ZFAT: variants seen among roughly 807,000 people sequenced by gnomAD.
ZFAT encodes the protein zinc finger protein ZFAT.
Under a neutral mutation model 117.7 loss-of-function variants are expected in ZFAT, and 64 were observed. The ratio of observed to expected loss-of-function variants is 0.54; its 90% CI spans 0.44 to 0.67. The LOEUF (loss-of-function observed/expected upper bound fraction) is 0.67. ZFAT is among the 30% of genes least tolerant of loss of function. The pLI is 0.00. For synonymous variants in ZFAT, 679 were observed against 615.0 expected (o/e 1.10, Z -1.54); for missense variants, 1,433 against 1,584.5 (o/e 0.90, Z 1.62).
At chr8:134,659,796 C>G (rs1831839190) in intron 1 of ZFAT, among the ~76,000 whole-genome samples, 2 of 152,228 alleles carry the variant, frequency 1.3e-5, no homozygotes, top group African/African-American at 4.8e-5. Flanking sequence ...GCCAACCCAG[C>G]CTTGCTGGCA....
At chr8:134,824,578 T>C in the ZFAT span, among the ~76,000 whole-genome samples, 1 of 152,290 alleles carries the variant, frequency 6.6e-6, no homozygotes, top group East Asian at 1.9e-4. Context: ...AATCACTGCT[T>C]TAGAAAGTAA....
chr8:134,719,809 C>T, the ZFAT span, among the ~76,000 whole-genome samples: 6 of 152,148 alleles, frequency 3.9e-5, no homozygotes, highest in Non-Finnish European at 8.8e-5. Context: ...ATCACCCAGA[C>T]CCTGGTGCCA....
chr8:134,499,229 G>T (rs545735991), intron 15 of ZFAT, among the ~76,000 whole-genome samples: 2 of 126,772 alleles, frequency 1.6e-5, no homozygotes, highest in Non-Finnish European at 1.7e-5. Context: ...GGATGCCCCC[G>T]TTGCTGGTTA....
At chr8:134,579,821 C>T (rs771982851) in intron 10 of ZFAT, among the ~76,000 whole-genome samples, 2 of 152,020 alleles carry the variant, frequency 1.3e-5, no homozygotes, top group African/African-American at 2.4e-5. Flanking sequence ...TATGGTGGCA[C>T]ATGCCTGTAA....
chr8:134,821,555 A>G, the ZFAT span, among the ~76,000 whole-genome samples: 1 of 152,176 alleles, frequency 6.6e-6, no homozygotes, highest in African/African-American at 2.4e-5. Flanking sequence ...GGTTTAAAAA[A>G]AAAAAAAAGA....
chr8:134,733,768 A>G, the ZFAT span, among the ~76,000 whole-genome samples: 3 of 152,158 alleles, frequency 2.0e-5, no homozygotes, highest in Non-Finnish European at 2.9e-5. Context: ...CCGTGCCATC[A>G]CCTGTCCTGA....
chr8:134,512,397 T>G (rs1819918441), intron 14 of ZFAT, 78 bp downstream of exon 14: 3 of 1,562,506 alleles, frequency 1.9e-6, no homozygotes, highest in Non-Finnish European at 2.6e-6. Flanking sequence ...ATGGACATCA[T>G]TCATCTGCAA....
chr8:134,776,704 T>C, the ZFAT span, among the ~76,000 whole-genome samples: 2 of 152,252 alleles, frequency 1.3e-5, no homozygotes, highest in East Asian at 1.9e-4. Context: ...TTCCTTTTAG[T>C]GGGAAGATTT....
At chr8:134,644,521 C>A (rs1005792667) in intron 2 of ZFAT, among the ~76,000 whole-genome samples, 1 of 152,040 alleles carries the variant, frequency 6.6e-6, no homozygotes, top group Non-Finnish European at 1.5e-5. Context: ...TACACACATA[C>A]ACAAGCACCT....
intron 1 of ZFAT, among the ~76,000 whole-genome samples, chr8:134,711,988 T>C (rs1034420829): frequency 1.3e-5 from 2 of 152,186 alleles, no homozygotes; most frequent in South Asian, 2.1e-4. Flanking sequence ...AAAAGGTCAC[T>C]TGGACTCCAG....
At chr8:134,773,863 T>TGGGGAGGAGCCAA in the ZFAT span, among the ~76,000 whole-genome samples, 1 of 152,094 alleles carries the variant, frequency 6.6e-6, no homozygotes, top group Non-Finnish European at 1.5e-5. Flanking sequence ...ACAAAGAAAG[T>TGGGGAGGAGCCAA]GATTTCCCGA....
intron 7 of ZFAT, among the ~76,000 whole-genome samples, chr8:134,597,184 C>A (rs1051039117): frequency 1.3e-5 from 2 of 151,908 alleles, no homozygotes; most frequent in African/African-American, 4.8e-5. Context: ...TAAGGGAAAG[C>A]AGATCTTTTT....
chr8:134,511,239 G>A (rs192354099), intron 14 of ZFAT, among the ~76,000 whole-genome samples: 1 of 152,282 alleles, frequency 6.6e-6, no homozygotes, highest in Non-Finnish European at 1.5e-5. Flanking sequence ...GTCTGAGAGT[G>A]AGAGTGTGTG....
chr8:134,773,558 C>T, the ZFAT span, among the ~76,000 whole-genome samples: 1 of 152,196 alleles, frequency 6.6e-6, no homozygotes, highest in Non-Finnish European at 1.5e-5. Flanking sequence ...TAGTGATCCT[C>T]TGATGGGTCT....
chr8:134,569,847 C>T (rs1484117207), intron 10 of ZFAT, among the ~76,000 whole-genome samples: 1 of 152,180 alleles, frequency 6.6e-6, no homozygotes, highest in Non-Finnish European at 1.5e-5. Context: ...ATCAGTATAC[C>T]TAAAACAAAA....
intron 12 of ZFAT, among the ~76,000 whole-genome samples, chr8:134,528,798 A>T (rs2130533298): frequency 6.6e-6 from 1 of 152,324 alleles, no homozygotes; most frequent in South Asian, 2.1e-4. Flanking sequence ...CTTTGGCGGG[A>T]GCTGCCTAGC....
intron 4 of ZFAT, 90 bp downstream of exon 4, chr8:134,610,380 T>C: frequency 7.2e-7 from 1 of 1,385,648 alleles, no homozygotes; most frequent in South Asian, 1.5e-5. Context: ...GCACCAGCTC[T>C]GTGTTCTGAC....
the ZFAT span, among the ~76,000 whole-genome samples, chr8:134,747,029 T>C: frequency 1.3e-5 from 2 of 152,228 alleles, no homozygotes; most frequent in African/African-American, 4.8e-5. Flanking sequence ...CAGAGCCTAA[T>C]GTTTTATCAG....
chr8:134,714,641 C>G (rs1388232868), upstream of ZFAT, among the ~76,000 whole-genome samples: 1 of 152,234 alleles, frequency 6.6e-6, no homozygotes, highest in Non-Finnish European at 1.5e-5. Flanking sequence ...TAGCCTCCCC[C>G]TTCTTCATTT....
Sources: gnomAD v4.1 joint callset for allele counts (sites outside exome capture counted in the v4.1 genomes callset) on GRCh38, gnomAD v4.1.1 for gene constraint, MANE v1.5 for transcripts, NCBI Gene and HGNC (gene_info 2026-07-23, HGNC 2026-07-21) for gene names.